Variants in MYT1L observed in about 807,000 individuals in gnomAD.
The protein encoded by MYT1L is myelin transcription factor 1-like protein.
In MYT1L, 12 loss-of-function variants were observed where a neutral mutation model predicts 126.7. The observed-to-expected ratio is 0.09, with a 90% confidence interval of 0.06 to 0.15. The LOEUF is 0.15. Among genes scored for constraint, MYT1L ranks in the 10% least tolerant of loss-of-function variants. The pLI is 1.00. For synonymous variants in MYT1L, 541 were observed against 604.2 expected, an observed-to-expected ratio of 0.90 and a Z score of 1.53; for missense variants, 979 against 1,585.2, an observed-to-expected ratio of 0.62 and a Z score of 6.49.
intron 3 of MYT1L, among the ~76,000 whole-genome samples, chr2:2,120,948 G>T (rs2080907166): frequency 1.3e-5 from 2 of 152,080 alleles, no homozygotes; most frequent in African/African-American, 4.8e-5. Flanking sequence ...TCCATTTCCA[G>T]TGAACCTGTG....
chr2:2,159,231 C>CA (rs2087362966), intron 3 of MYT1L, among the ~76,000 whole-genome samples: 1 of 152,134 alleles, frequency 6.6e-6, no homozygotes, highest in African/African-American at 2.4e-5. Flanking sequence ...AGGGAGGCAG[C>CA]ATACTAGGCA....
At chr2:2,242,411 C>T (rs901957929) in intron 2 of MYT1L, among the ~76,000 whole-genome samples, 26 of 152,176 alleles carry the variant, frequency 1.7e-4, no homozygotes, top group Non-Finnish European at 2.9e-4. Flanking sequence ...CCACATATTA[C>T]GAAAAGAACT....
At chr2:2,236,288 A>G (rs1205592811) in intron 2 of MYT1L, among the ~76,000 whole-genome samples, 1 of 140,362 alleles carries the variant, frequency 7.1e-6, no homozygotes, top group Admixed American at 7.6e-5. Context: ...CCAGCCCAGC[A>G]TATCCCAACC....
At chr2:2,274,012 C>T (rs2095313874) in intron 2 of MYT1L, among the ~76,000 whole-genome samples, 2 of 151,916 alleles carry the variant, frequency 1.3e-5, no homozygotes, top group Non-Finnish European at 2.9e-5. Context: ...ACTCAATTAT[C>T]CATATGACAC....
At chr2:2,229,824 A>G (rs2094119039) in intron 2 of MYT1L, among the ~76,000 whole-genome samples, 1 of 152,164 alleles carries the variant, frequency 6.6e-6, no homozygotes, top group African/African-American at 2.4e-5. Flanking sequence ...TGAGGGCTGG[A>G]GCTGCCATCT....
At chr2:2,222,041 G>T (rs1033481718) in intron 2 of MYT1L, among the ~76,000 whole-genome samples, 10 of 152,200 alleles carry the variant, frequency 6.6e-5, no homozygotes, top group African/African-American at 2.2e-4. Context: ...TCTCTCACTT[G>T]ATGGCAGTTA....
chr2:2,264,721 T>C (rs2095077557), intron 2 of MYT1L, among the ~76,000 whole-genome samples: 1 of 152,040 alleles, frequency 6.6e-6, no homozygotes, highest in African/African-American at 2.4e-5. Context: ...TGAACGTCAG[T>C]GGAAGGTCAG....
intron 1 of MYT1L, among the ~76,000 whole-genome samples, chr2:2,310,970 A>G (rs750980090): frequency 1.1e-4 from 16 of 152,242 alleles, no homozygotes; most frequent in Non-Finnish European, 2.2e-4. Flanking sequence ...ACAAACAAAT[A>G]GAAAAATGAA....
At chr2:1,796,700 C>G (rs1020556367) in intron 23 of MYT1L, among the ~76,000 whole-genome samples, 1 of 152,144 alleles carries the variant, frequency 6.6e-6, no homozygotes, top group African/African-American at 2.4e-5. Context: ...CAGCCGGCTC[C>G]GAGCCATCCT....
At chr2:1,966,595 CA>C (rs1197447396) in intron 8 of MYT1L, among the ~76,000 whole-genome samples, 2 of 152,102 alleles carry the variant, frequency 1.3e-5, no homozygotes, top group African/African-American at 4.8e-5. Flanking sequence ...ACATTGTCTG[CA>C]AAGATACTTT....
At chr2:1,935,920 C>CT (rs1354401794) in intron 9 of MYT1L, among the ~76,000 whole-genome samples, 17 of 152,154 alleles carry the variant, frequency 1.1e-4, no homozygotes, top group South Asian at 8.3e-4. Flanking sequence ...CCACCTGCAT[C>CT]TTTTTTTTGT....
In MYT1L at chr2:2,065,016, T is replaced by C. The variant is rs111653184; in HGVS notation, c.-303-10893A>G. 7.5e-3 allele frequency among the ~76,000 whole-genome samples: 1,137 copies of C among 151,944 alleles called. 13 individuals carry two copies. Among genetic ancestry groups the C allele is most frequent in the Admixed American group, 0.012 (178 of 15,260 alleles). ...GAGTTGGAGACCAGCCTGGGAAACATAGGGAGAGGCCATCTCTAGAAAAAT... is the reference window on the plus strand; with the variant it reads ...GAGTTGGAGACCAGCCTGGGAAACACAGGGAGAGGCCATCTCTAGAAAAAT... On this transcript the variant is annotated intron_variant, in intron 3 of 24. Transcript: ENST00000647738.
intron 5 of MYT1L, among the ~76,000 whole-genome samples, chr2:1,994,577 G>A (rs2061688139): frequency 1.3e-5 from 2 of 152,136 alleles, no homozygotes; most frequent in Admixed American, 1.3e-4. Flanking sequence ...CGGTGCTAGT[G>A]AAAAAAGCTC....
chr2:2,237,104 A>G (rs1056105264), intron 2 of MYT1L, among the ~76,000 whole-genome samples: 3 of 152,156 alleles, frequency 2.0e-5, no homozygotes, highest in East Asian at 1.9e-4. Flanking sequence ...GTGAGCCACC[A>G]CGCCCAACCT....
chr2:1,870,275 A>C (rs2046116507), intron 18 of MYT1L, among the ~76,000 whole-genome samples: 1 of 152,168 alleles, frequency 6.6e-6, no homozygotes, highest in Non-Finnish European at 1.5e-5. Context: ...CATTACGCTG[A>C]TCTGAAGGCT....
At chr2:2,207,924 G>T (rs2093374445) in intron 2 of MYT1L, among the ~76,000 whole-genome samples, 1 of 152,140 alleles carries the variant, frequency 6.6e-6, no homozygotes, top group African/African-American at 2.4e-5. Context: ...CCACCCCGAA[G>T]CACGTCTCTC....
At chr2:1,933,465 A>T (rs183226287) in intron 9 of MYT1L, among the ~76,000 whole-genome samples, 11 of 152,342 alleles carry the variant, frequency 7.2e-5, no homozygotes, top group African/African-American at 2.4e-4. Context: ...TTGAACACTG[A>T]ACAAAAATTT....
At chr2:2,141,558 G>A (rs1051266064) in intron 3 of MYT1L, among the ~76,000 whole-genome samples, 1 of 152,190 alleles carries the variant, frequency 6.6e-6, no homozygotes, top group African/African-American at 2.4e-5. Flanking sequence ...GATAGACAGA[G>A]CTAAGCTTCC....
rs371865072 is a variant in MYT1L, at chr2:1,903,073, C to T, written c.2032+7G>A. ...GTCTCTCATGTATAAGAGTGTGCAC[C>T]TCCTACCATCATCATATCCTTTGGG... On this transcript the variant is annotated splice_region_variant and intron_variant, in intron 14 of 24. Transcript: ENST00000647738. The T allele has an allele frequency of 6.2e-6, 10 of 1,611,010 alleles. No individual in the cohort carries two copies. The highest frequency in any genetic ancestry group is 8.5e-6 in the Non-Finnish European group (10 of 1,177,252).
Sources: allele counts gnomAD v4.1 joint callset (sites outside exome capture counted in the v4.1 genomes callset), GRCh38; gene constraint gnomAD v4.1.1; transcripts MANE v1.5; gene names NCBI Gene and HGNC (gene_info 2026-07-23, HGNC 2026-07-21).